Variants in LRBA observed in about 807,000 individuals in gnomAD.
The protein encoded by LRBA is LPS responsive beige-like anchor protein.
Under a neutral mutation model 330.0 loss-of-function variants are expected in LRBA, and 176 were observed. The ratio of observed to expected loss-of-function variants is 0.53; its 90% CI spans 0.47 to 0.60. The LOEUF (loss-of-function observed/expected upper bound fraction) is 0.60. Among genes scored for constraint, LRBA ranks in the 20% least tolerant of loss-of-function variants. The probability of loss-of-function intolerance (pLI) is 0.00; values close to 1 mark genes in which losing one functional copy is unlikely to be tolerated. For synonymous variants in LRBA, 1,230 were observed against 1,193.0 expected (o/e 1.03, Z -0.64); for missense variants, 3,259 against 3,444.8 (o/e 0.95, Z 1.35).
chr4:150,671,725 C>T (rs966449241), intron 37 of LRBA, among the ~76,000 whole-genome samples: 11 of 152,110 alleles, frequency 7.2e-5, no homozygotes, highest in African/African-American at 1.9e-4. Context: ...GACTTCTGTG[C>T]TCCCACTAAA....
chr4:150,812,305 A>G (rs1457726332), intron 31 of LRBA, among the ~76,000 whole-genome samples: 1 of 152,232 alleles, frequency 6.6e-6, no homozygotes, highest in Non-Finnish European at 1.5e-5. Flanking sequence ...CCTAGCACTG[A>G]TAAACTGGCT....
chr4:150,987,524 G>T (rs956010595), intron 2 of LRBA, among the ~76,000 whole-genome samples: 5 of 152,050 alleles, frequency 3.3e-5, no homozygotes, highest in Non-Finnish European at 5.9e-5. Flanking sequence ...GGGCCAACAT[G>T]GCAAAACCCC....
chr4:150,716,248 A>AC (rs1168543966), intron 36 of LRBA, among the ~76,000 whole-genome samples: 2 of 152,158 alleles, frequency 1.3e-5, no homozygotes, highest in African/African-American at 4.8e-5. Flanking sequence ...GGAGTTCAAG[A>AC]CCAACCTGGC....
At chr4:150,579,690 TGGTG>T (rs776055165) in intron 40 of LRBA, 1 of 456,200 alleles carries the variant, frequency 2.2e-6, no homozygotes. Flanking sequence ...GTCCGGCGAG[TGGTG>T]GCGCGAAGGT....
chr4:150,937,765 T>C (rs1205724529), intron 2 of LRBA, among the ~76,000 whole-genome samples: 1 of 152,142 alleles, frequency 6.6e-6, no homozygotes, highest in African/African-American at 2.4e-5. Flanking sequence ...AGAATTCAAA[T>C]AAACCTTTAT....
intron 14 of LRBA, among the ~76,000 whole-genome samples, chr4:150,898,735 A>C (rs972285929): frequency 6.6e-6 from 1 of 152,080 alleles, no homozygotes; most frequent in African/African-American, 2.4e-5. Context: ...CAAGGTCACT[A>C]ATCAGTTATA....
chr4:150,901,699 A>T lies in LRBA; in HGVS notation c.1756-1482T>A, dbSNP rs756575172. 2.3e-4 allele frequency among the ~76,000 whole-genome samples: 35 copies of T among 152,342 alleles called. 1 individual carries two copies. The highest frequency in any genetic ancestry group is 2.8e-4 in the Non-Finnish European group (19 of 68,034). On this transcript the variant is annotated intron_variant, in intron 13 of 56. Transcript: ENST00000651943. The stretch of plus-strand genomic sequence containing the variant: ...GTCAGTGAATAAATCTAACATGCTA[A>T]AAAGTGGCAGGTTCTGAACCACTTA...
At position 151,014,263 on chromosome 4, in the gene LRBA, T is replaced by TA. The variant is rs541805375; in HGVS notation, c.216+163dup. The TA allele has an allele frequency of 3.3e-4, 192 of 590,294 alleles. 1 individual carries two copies. Among genetic ancestry groups the TA allele is most frequent in the African/African-American group, 2.9e-3 (155 of 53,978 alleles). 36.6% of individuals were successfully genotyped at this position (590,294 alleles called of 1,614,324 possible). A position where few individuals can be genotyped will look rare whatever the true frequency, so the allele number is the denominator to read the frequency against. On this transcript the variant is annotated intron_variant, in intron 2 of 56. Coordinates refer to ENST00000651943, the MANE Select transcript of LRBA (RefSeq NM_001364905.1). Reference sequence around the variant, plus strand: ...TAAGTTTGCACAATTCCCTTCAATCTAAAAAACAGATGAAATTGTTTCATT... The same window carrying TA: ...TAAGTTTGCACAATTCCCTTCAATCTAAAAAAACAGATGAAATTGTTTCATT...
rs1032056221 is a variant in LRBA, at chr4:150,684,340, T to C, written c.5755-623A>G. Among the ~76,000 whole-genome samples the C allele has an allele frequency of 1.1e-4, 17 of 152,276 alleles. 1 individual carries two copies. In the Middle Eastern group the frequency reaches 0.01, roughly 91 times the overall value. Reference sequence around the variant, plus strand: ...AAATTGAGCTAGTTCTAAATACCTTTAGAACATGAAACTGTTTGGTCTTTT... The same window carrying C: ...AAATTGAGCTAGTTCTAAATACCTTCAGAACATGAAACTGTTTGGTCTTTT... On this transcript the variant is annotated intron_variant, in intron 36 of 56. Coordinates refer to ENST00000651943, the MANE Select transcript of LRBA (RefSeq NM_001364905.1).
chr4:150,771,433 C>T (rs1245733706), intron 34 of LRBA, among the ~76,000 whole-genome samples: 1 of 152,120 alleles, frequency 6.6e-6, no homozygotes, highest in Non-Finnish European at 1.5e-5. Context: ...CATTCATTTG[C>T]TGTGAAATAG....
chr4:150,698,501 A>G (rs897242915), intron 36 of LRBA, among the ~76,000 whole-genome samples: 1 of 152,204 alleles, frequency 6.6e-6, no homozygotes, highest in Non-Finnish European at 1.5e-5. Flanking sequence ...ATTTAATTTG[A>G]TCAACAATGC....
At chr4:150,596,855 T>G (rs1773543198) in intron 38 of LRBA, among the ~76,000 whole-genome samples, 1 of 151,574 alleles carries the variant, frequency 6.6e-6, no homozygotes, top group Non-Finnish European at 1.5e-5. Context: ...ATTTATTCCC[T>G]TTTTATTTAA....
chr4:150,611,433 C>T (rs975998288), intron 37 of LRBA, among the ~76,000 whole-genome samples: 4 of 152,118 alleles, frequency 2.6e-5, no homozygotes, highest in African/African-American at 9.7e-5. Context: ...GCTACTTTGG[C>T]TAAGACATTC....
At chr4:150,449,681 T>C (rs1451436087) in intron 44 of LRBA, among the ~76,000 whole-genome samples, 5 of 152,064 alleles carry the variant, frequency 3.3e-5, no homozygotes, top group Non-Finnish European at 7.4e-5. Flanking sequence ...GTATTTAAGG[T>C]AATAATAGCA....
At chr4:150,699,561 T>C (rs1050650849) in intron 36 of LRBA, among the ~76,000 whole-genome samples, 2 of 152,150 alleles carry the variant, frequency 1.3e-5, no homozygotes, top group African/African-American at 2.4e-5. Flanking sequence ...GTGGCACATA[T>C]AAGCATTCAA....
At chr4:150,924,829 C>A (rs1437992239) in intron 4 of LRBA, among the ~76,000 whole-genome samples, 1 of 152,124 alleles carries the variant, frequency 6.6e-6, no homozygotes, top group African/African-American at 2.4e-5. Context: ...TCTCCTCCCC[C>A]TCCCCATAGG....
chr4:150,512,717 GAAAAAAAAAA>G (rs370203536), intron 40 of LRBA, among the ~76,000 whole-genome samples: 2 of 100,702 alleles, frequency 2.0e-5, no homozygotes, highest in African/African-American at 4.3e-5. Context: ...TGCTTTTTGA[GAAAAAAAAAA>G]AAAAAAAAAA....
At chr4:150,685,420 A>ATATATATACTT (rs1561514146) in intron 36 of LRBA, among the ~76,000 whole-genome samples, 9 of 17,438 alleles carry the variant, frequency 5.2e-4, no homozygotes, top group African/African-American at 2.1e-3. Context: ...ATATATATAT[A>ATATATATACTT]TTTTTTTTTT....
At chr4:150,439,311 C>T (rs1413081180) in intron 44 of LRBA, among the ~76,000 whole-genome samples, 2 of 150,954 alleles carry the variant, frequency 1.3e-5, no homozygotes, top group African/African-American at 4.8e-5. Flanking sequence ...ATGCTAAAAC[C>T]AATTAGGATT....
Sources: allele counts gnomAD v4.1 joint callset (sites outside exome capture counted in the v4.1 genomes callset), GRCh38; gene constraint gnomAD v4.1.1; transcripts MANE v1.5; gene names NCBI Gene and HGNC (gene_info 2026-07-23, HGNC 2026-07-21).